The following FLNB variants were observed in gnomAD, a reference collection of about 807,000 sequenced individuals.
The protein encoded by FLNB is filamin-B.
FLNB carries 111 observed loss-of-function variants against 250.6 expected under a neutral mutation model. The ratio of observed to expected loss-of-function variants is 0.44; its 90% CI spans 0.38 to 0.52. The LOEUF is 0.52. Among genes scored for constraint, FLNB ranks in the 20% least tolerant of loss-of-function variants. The pLI is 0.00. For synonymous variants in FLNB, 1,302 were observed against 1,372.1 expected (o/e 0.95, Z 1.13); for missense variants, 2,869 against 3,447.8 (o/e 0.83, Z 4.20).
chr3:58,047,926 C>A (rs950838011), intron 1 of FLNB, among the ~76,000 whole-genome samples: 1 of 152,090 alleles, frequency 6.6e-6, no homozygotes, highest in Non-Finnish European at 1.5e-5. Flanking sequence ...CCTTCACCCC[C>A]ACATACTCCA....
chr3:58,063,270 G>T (rs1042659621), intron 1 of FLNB, among the ~76,000 whole-genome samples: 3 of 152,200 alleles, frequency 2.0e-5, no homozygotes, highest in African/African-American at 7.2e-5. Flanking sequence ...CTTTGAGTGG[G>T]TTCCACCCAT....
chr3:58,106,458 A>C (rs911270599), intron 11 of FLNB, among the ~76,000 whole-genome samples: 4 of 149,116 alleles, frequency 2.7e-5, no homozygotes, highest in Non-Finnish European at 5.9e-5. Context: ...CACCCAGCCC[A>C]GGCCTACATT....
chr3:58,060,769 CAAAAAAAAAAAAAAAA>C (rs71091334), intron 1 of FLNB, among the ~76,000 whole-genome samples: 1 of 64,210 alleles, frequency 1.6e-5, no homozygotes, highest in African/African-American at 5.9e-5. Flanking sequence ...GACCTTGTCT[CAAAAAAAAAAAAAAAA>C]AAAAAAAAAA....
At chr3:58,122,053 C>T (rs1014663814) in intron 20 of FLNB, among the ~76,000 whole-genome samples, 2 of 151,462 alleles carry the variant, frequency 1.3e-5, no homozygotes, top group Admixed American at 1.3e-4. Flanking sequence ...CCTGTAGTCC[C>T]AGCTACTCGG....
chr3:58,153,288 T>C (rs2097348252), intron 38 of FLNB, 87 bp from the exon 39 acceptor site: 1 of 1,502,472 alleles, frequency 6.7e-7, no homozygotes, highest in Non-Finnish European at 9.2e-7. Context: ...CACACCTTGC[T>C]CTCGGCTGCT....
At chr3:58,161,457 C>G (rs1361231712) in intron 42 of FLNB, among the ~76,000 whole-genome samples, 1 of 152,176 alleles carries the variant, frequency 6.6e-6, no homozygotes, top group Admixed American at 6.5e-5. Flanking sequence ...AACAGTCCCT[C>G]ACTGGGTACC....
intron 8 of FLNB, among the ~76,000 whole-genome samples, chr3:58,099,973 C>G (rs944043511): frequency 1.3e-5 from 2 of 152,076 alleles, no homozygotes; most frequent in African/African-American, 4.8e-5. Context: ...TTTATATGAA[C>G]TCAGCAATTA....
chr3:58,046,980 G>A (rs1383700803), intron 1 of FLNB, among the ~76,000 whole-genome samples: 1 of 152,194 alleles, frequency 6.6e-6, no homozygotes, highest in South Asian at 2.1e-4. Flanking sequence ...TTACGGCCAA[G>A]TGTTGGAATG....
chr3:58,159,806 C>A, intron 42 of FLNB, 120 bp downstream of exon 42: 2 of 1,082,100 alleles, frequency 1.8e-6, no homozygotes, highest in Non-Finnish European at 2.7e-6. Flanking sequence ...CCTCTGAATT[C>A]CCTTTGCTGT....
intron 26 of FLNB, 30 bp downstream of exon 26, chr3:58,132,961 C>T: frequency 1.3e-6 from 2 of 1,598,636 alleles, no homozygotes; most frequent in Non-Finnish European, 1.7e-6. Flanking sequence ...CCATCCATTC[C>T]TCCATCAGTC....
chr3:58,139,794 G>A (rs1389868999), intron 29 of FLNB, among the ~76,000 whole-genome samples: 1 of 152,194 alleles, frequency 6.6e-6, no homozygotes, highest in Non-Finnish European at 1.5e-5. Flanking sequence ...GTTAGAATTA[G>A]GTGGAAGGAG....
intron 28 of FLNB, among the ~76,000 whole-genome samples, chr3:58,137,388 C>T (rs1362676489): frequency 5.9e-5 from 9 of 152,212 alleles, no homozygotes; most frequent in Non-Finnish European, 7.3e-5. Flanking sequence ...ATGGGGACTT[C>T]CCCCTTGCCT....
rs781564840 is a variant in FLNB, at chr3:58,106,797, G to T, written c.1865G>T (p.Cys622Phe). ...EPGEYAVHIM[C>F]DDEDIKDSPY... ...GGCGAATATGCTGTTCACATCATGT[G>T]TGACGACGAAGACATCAAGGACAGC... Residue 622 changes from cysteine to phenylalanine, a missense_variant, in exon 12 of 46, where the codon TGT (cysteine) becomes TTT (phenylalanine). Physicochemically the swap from Cys to Phe is radical, Grantham distance 205 (BLOSUM62 -2). Around this residue, in one of 5 missense-constraint regions of FLNB, gnomAD observed 1,348 missense variants for 1,466.7 expected, o/e 0.92. Transcript: ENST00000295956. 1 of 1,614,114 alleles carries T rather than the reference G, an allele frequency of 6.2e-7. No individual in the cohort carries two copies. Among genetic ancestry groups the T allele is most frequent in the Admixed American group, 1.7e-5 (1 of 60,008 alleles).
intron 41 of FLNB, among the ~76,000 whole-genome samples, chr3:58,156,765 C>T (rs772924871): frequency 2.6e-5 from 4 of 152,138 alleles, no homozygotes; most frequent in Non-Finnish European, 5.9e-5. Flanking sequence ...GGCATGATCT[C>T]GGCTCACTGA....
At chr3:58,130,504 G>A (rs116523438) in intron 24 of FLNB, among the ~76,000 whole-genome samples, 1 of 152,122 alleles carries the variant, frequency 6.6e-6, no homozygotes, top group Admixed American at 6.5e-5. Flanking sequence ...GGGTTCCTGG[G>A]GGGTGTTAAC....
Position 58,169,720 on chromosome 3 carries a change from C to T in FLNB, c.7548C>T (p.Thr2516=), listed in dbSNP as rs775361083. The change falls in exon 45 of 46, where the codon ACC becomes ACT. Residue 2516 remains threonine (T), a synonymous_variant. Transcript: ENST00000295956. This position sits in a 1 kb window ranked among gnomAD's most constrained non-coding sequence, Gnocchi z 4.8. Reference sequence around the variant, plus strand: ...CATCCTCGGACGCCAGCAAGGTGACCTCTAAGGGGGCAGGGCTCTCAAAGG... The same window carrying T: ...CATCCTCGGACGCCAGCAAGGTGACTTCTAAGGGGGCAGGGCTCTCAAAGG... ...PKASSDASKV[T]SKGAGLSKAF... is the part of the protein sequence containing the mutation. 8.7e-6 allele frequency: 14 copies of T among 1,614,070 alleles called. No individual in the cohort carries two copies. The highest frequency in any genetic ancestry group is 1.2e-5 in the Non-Finnish European group (14 of 1,179,990).
At chr3:58,111,968 TCTC>T in intron 17 of FLNB, 87 bp downstream of exon 17, 2 of 1,260,498 alleles carry the variant, frequency 1.6e-6, no homozygotes, top group South Asian at 1.2e-5. Flanking sequence ...AGGAACTTCA[TCTC>T]CACCAACACC....
Position 58,130,746 on chromosome 3 carries a change from C to G in FLNB, c.4228C>G (p.Pro1410Ala). 1 of 1,613,126 alleles carries G rather than the reference C, an allele frequency of 6.2e-7. No individual in the cohort carries two copies. Among genetic ancestry groups the G allele is most frequent in the Non-Finnish European group, 8.5e-7 (1 of 1,179,624 alleles). Residue 1410 changes from proline to alanine, a missense_variant, in exon 25 of 46, where the codon CCC becomes GCC. Transcript: ENST00000295956. ...TCCCACAACCTCTCTTCCAGGCAGC[C>G]CCTTCAGGGTTCCTGTGAAGGATGT... The part of the protein sequence containing the change: ...TYGGAHIPGS[P>A]FRVPVKDVVD...
At position 58,107,561 on chromosome 3, in the gene FLNB, G is replaced by A. The variant is rs115369381; in HGVS notation, c.1941+688G>A. On this transcript the variant is annotated intron_variant, in intron 12 of 45. Transcript: ENST00000295956. ...TAAGCTGTTATTTTCTTGCAACTCC[G>A]GGGATCATATGTCAGTCTTACAGCC... is the stretch of plus-strand genomic sequence containing the variant. 9.0e-3 allele frequency among the ~76,000 whole-genome samples: 1,378 copies of A among 152,308 alleles called. 16 individuals are homozygous for A. The highest frequency in any genetic ancestry group is 0.032 in the African/African-American group (1,321 of 41,562).
Sources: gnomAD v4.1 joint callset for allele counts (sites outside exome capture counted in the v4.1 genomes callset) on GRCh38, gnomAD v4.1.1 for gene constraint, gnomAD v4.1.1 regional missense constraint, Gnocchi (gnomAD v3.1) non-coding constraint, MANE v1.5 for transcripts, NCBI Gene and HGNC (gene_info 2026-07-23, HGNC 2026-07-21) for gene names.